ST8SIA3: variants seen among roughly 807,000 people sequenced by gnomAD.
ST8SIA3 encodes alpha-N-acetylneuraminate alpha-2,8-sialyltransferase ST8SIA3.
Under a neutral mutation model 34.5 loss-of-function variants are expected in ST8SIA3, and 17 were observed. The ratio of observed to expected loss-of-function variants is 0.49; its 90% CI spans 0.34 to 0.74. The LOEUF (loss-of-function observed/expected upper bound fraction) is 0.74. Among genes scored for constraint, ST8SIA3 ranks in the 30% least tolerant of loss-of-function variants. The pLI, the probability that ST8SIA3 is intolerant of heterozygous loss-of-function variation, is 0.01. For missense variants in ST8SIA3, 354 were observed against 467.8 expected, an observed-to-expected ratio of 0.76 and a Z score of 2.24; for synonymous variants, 172 against 176.1, an observed-to-expected ratio of 0.98 and a Z score of 0.19.
At chr18:57,353,446 T>TTTAATGGCGCA (rs2049777698) in intron 1 of ST8SIA3, among the ~76,000 whole-genome samples, 1 of 151,904 alleles carries the variant, frequency 6.6e-6, no homozygotes, top group Non-Finnish European at 1.5e-5. Context: ...GGGGCGGTGC[T>TTTAATGGCGCA]GGCGGTTTAA....
At position 57,360,268 on chromosome 18, in the gene ST8SIA3, C is replaced by A. The variant is rs377386088; in HGVS notation, c.1134C>A (p.His378Gln). 6.2e-7 allele frequency: 1 copy of A among 1,613,598 alleles called. No individual in the cohort carries two copies. The highest frequency in any genetic ancestry group is 8.5e-7 in the Non-Finnish European group (1 of 1,179,648). Residue 378 changes from histidine to glutamine, a missense_variant, in exon 4 of 4, where the codon CAC becomes CAA. His to Gln is a conservative substitution (Grantham distance 24). Coordinates refer to ENST00000324000, the MANE Select transcript of ST8SIA3 (RefSeq NM_015879.3). Reference sequence around the variant, plus strand: ...GGCTCACCAAGCTGACTCTGTCACACTGTGCCTAAGAACTCCAAACGGAAA... The same window carrying A: ...GGCTCACCAAGCTGACTCTGTCACAATGTGCCTAAGAACTCCAAACGGAAA... ...GEGLTKLTLS[H>Q]CA
intron 2 of ST8SIA3, among the ~76,000 whole-genome samples, chr18:57,355,499 A>G (rs2049793741): frequency 6.6e-6 from 1 of 152,220 alleles, no homozygotes; most frequent in African/African-American, 2.4e-5. Flanking sequence ...TACTGTTCAG[A>G]TGAAAAGTCA....
rs1407859798 is a variant in ST8SIA3 at position 57,352,582 on chromosome 18, C to T, written c.-265C>T. The T allele has an allele frequency of 1.3e-5, 6 of 476,378 alleles. No individual in the cohort carries two copies. The highest frequency in any genetic ancestry group is 2.3e-5 in the Non-Finnish European group (6 of 258,878). 29.5% of individuals were successfully genotyped at this position (476,378 alleles called of 1,614,324 possible). A position where few individuals can be genotyped will look rare whatever the true frequency, so the allele number is the denominator to read the frequency against. On this transcript the variant is annotated 5_prime_UTR_variant, in exon 1 of 4. Transcript: ENST00000324000. ...CCTTCGCCACGCCGCCGCGCAGCCCCTCCATCTTCCTGCTCGGCACCGGGC... is the reference window on the plus strand; with the variant it reads ...CCTTCGCCACGCCGCCGCGCAGCCCTTCCATCTTCCTGCTCGGCACCGGGC...
rs2049855367 is a variant in ST8SIA3, at chr18:57,365,429, CA to C, written c.*5155del. ...AATTTAGTCAGAATGGATGCAAGCCCAAAGACAAGGTGGAGAGCAAGCTTTA... is the reference window on the plus strand; with the variant it reads ...AATTTAGTCAGAATGGATGCAAGCCCAAGACAAGGTGGAGAGCAAGCTTTA... On this transcript the variant is annotated 3_prime_UTR_variant, in exon 4 of 4. Transcript: ENST00000324000. The C allele has an allele frequency of 6.6e-6, 1 of 152,158 alleles. No homozygotes were observed. The allele number at this position is 152,158 out of a possible 1,614,324, so 9.4% of individuals were successfully genotyped here. A position where few individuals can be genotyped will look rare whatever the true frequency, so the allele number is the denominator to read the frequency against.
At position 57,352,583 on chromosome 18, in the gene ST8SIA3, T is replaced by C; in HGVS notation, c.-264T>C. On this transcript the variant is annotated 5_prime_UTR_variant, in exon 1 of 4. Coordinates refer to ENST00000324000, the MANE Select transcript of ST8SIA3 (RefSeq NM_015879.3). ...CTTCGCCACGCCGCCGCGCAGCCCC[T>C]CCATCTTCCTGCTCGGCACCGGGCC... 2.1e-6 allele frequency: 1 copy of C among 472,936 alleles called. No homozygotes were observed. The highest frequency in any genetic ancestry group is 3.9e-6 in the Non-Finnish European group (1 of 256,916). 29.3% of individuals were successfully genotyped at this position (472,936 alleles called of 1,614,324 possible).
Position 57,357,132 on chromosome 18 carries a change from C to T in ST8SIA3, c.522C>T (p.Ser174=), listed in dbSNP as rs1158078233. 2 of 1,613,976 alleles carry T rather than the reference C, an allele frequency of 1.2e-6. No individual in the cohort carries two copies. Among genetic ancestry groups the T allele is most frequent in the African/African-American group, 1.3e-5 (1 of 75,010 alleles). Residue 174 remains serine, a synonymous_variant, in exon 3 of 4, where the codon AGC becomes AGT. Transcript: ENST00000324000. Reference sequence around the variant, plus strand: ...GAAATAGTGGGATCCTGACAGGGAGCCAGTGTGGACAAGAAATAGATAAAT... The same window carrying T: ...GAAATAGTGGGATCCTGACAGGGAGTCAGTGTGGACAAGAAATAGATAAAT... ...VVGNSGILTG[S]QCGQEIDKSD... is the part of the protein sequence containing the mutation.
chr18:57,358,402 C>T (rs187814440), intron 3 of ST8SIA3, among the ~76,000 whole-genome samples: 136 of 152,240 alleles, frequency 8.9e-4, no homozygotes, highest in Non-Finnish European at 8.7e-4. Context: ...TTCTGGAGAC[C>T]TGGTAAACAG....
rs1402378660 is a variant in ST8SIA3 at position 57,365,989 on chromosome 18, T to C, written c.*5712T>C. On this transcript the variant is annotated 3_prime_UTR_variant, in exon 4 of 4. Coordinates refer to ENST00000324000, the MANE Select transcript of ST8SIA3 (RefSeq NM_015879.3). Reference sequence around the variant, plus strand: ...CTGGAAAACAGTGGAACCCAGATTTTTAGCACCTACCAATTTCTATGGTGT... The same window carrying C: ...CTGGAAAACAGTGGAACCCAGATTTCTAGCACCTACCAATTTCTATGGTGT... 1 of 152,210 alleles carries C rather than the reference T, an allele frequency of 6.6e-6. No homozygotes were observed. Among genetic ancestry groups the C allele is most frequent in the African/African-American group, 2.4e-5 (1 of 41,454 alleles). The allele number at this position is 152,210 out of a possible 1,614,324, so 9.4% of individuals were successfully genotyped here.
In ST8SIA3 at chr18:57,368,474, G is replaced by A. The variant is rs1380941502; in HGVS notation, c.*8197G>A. ...CCGTGATTCCCTGCCCGCTCACCCC[G>A]TCACTCAACACTTGATGCATTTGTT... is the stretch of plus-strand genomic sequence containing the variant. On this transcript the variant is annotated 3_prime_UTR_variant, in exon 4 of 4. Transcript: ENST00000324000. The A allele has an allele frequency of 6.6e-6, 1 of 152,124 alleles. No individual in the cohort carries two copies. Among genetic ancestry groups the A allele is most frequent in the Non-Finnish European group, 1.5e-5 (1 of 68,008 alleles). The allele number at this position is 152,124 out of a possible 1,614,324, so 9.4% of individuals were successfully genotyped here. A position where few individuals can be genotyped will look rare whatever the true frequency, so the allele number is the denominator to read the frequency against.
At chr18:57,355,785 G>A (rs191050492) in intron 2 of ST8SIA3, among the ~76,000 whole-genome samples, 6 of 152,082 alleles carry the variant, frequency 3.9e-5, no homozygotes, top group East Asian at 3.9e-4. Flanking sequence ...TCAAAACTTC[G>A]CTCATTTTAA....
rs909947249 is a variant in ST8SIA3, at chr18:57,367,019, AT to A, written c.*6747del. Reference sequence around the variant, plus strand: ...AACAAGCTTTGTTTGCAAATTGCAAATTTTTCTGGTAGAAGTCATTCTTAGG... The same window carrying A: ...AACAAGCTTTGTTTGCAAATTGCAAATTTTCTGGTAGAAGTCATTCTTAGG... On this transcript the variant is annotated 3_prime_UTR_variant, in exon 4 of 4. Transcript: ENST00000324000. 3.3e-5 allele frequency: 5 copies of A among 152,094 alleles called. No individual in the cohort carries two copies. The highest frequency in any genetic ancestry group is 1.2e-4 in the African/African-American group (5 of 41,410). 9.4% of individuals were successfully genotyped at this position (152,094 alleles called of 1,614,324 possible).
At position 57,366,813 on chromosome 18, in the gene ST8SIA3, T is replaced by G. The variant is rs1261984952; in HGVS notation, c.*6536T>G. On this transcript the variant is annotated 3_prime_UTR_variant, in exon 4 of 4. Transcript: ENST00000324000. The stretch of plus-strand genomic sequence containing the variant: ...AACTTCATTGCTGACTGGGCAAACT[T>G]TGTAGGATAAGGTGTCATGTGATGT... The G allele has an allele frequency of 6.6e-6, 1 of 152,186 alleles. No individual in the cohort carries two copies. Among genetic ancestry groups the G allele is most frequent in the African/African-American group, 2.4e-5 (1 of 41,442 alleles). The allele number at this position is 152,186 out of a possible 1,614,324, so 9.4% of individuals were successfully genotyped here. A position where few individuals can be genotyped will look rare whatever the true frequency, so the allele number is the denominator to read the frequency against.
chr18:57,352,699 C>CCCG lies in ST8SIA3; in HGVS notation c.-148_-147insCCG. ...CCGGTGGCCTCCCCCCACCCCCGCCCGGGTCCCCCTCCTCCGCCACACGCG... is the reference window on the plus strand; with the variant it reads ...CCGGTGGCCTCCCCCCACCCCCGCCCCCGGGGTCCCCCTCCTCCGCCACACGCG... On this transcript the variant is annotated 5_prime_UTR_variant, in exon 1 of 4. Transcript: ENST00000324000. 6.9e-6 allele frequency: 2 copies of CCCG among 291,286 alleles called. No homozygotes were observed. Among genetic ancestry groups the CCCG allele is most frequent in the South Asian group, 2.8e-5 (1 of 36,172 alleles). 18.0% of individuals were successfully genotyped at this position (291,286 alleles called of 1,614,324 possible).
Position 57,357,252 on chromosome 18 carries a change from C to T in ST8SIA3, c.642C>T (p.Ile214=). The part of the protein sequence containing the change: ...KTNLTTFNPS[I]LEKYYNNLLT... The stretch of plus-strand genomic sequence containing the variant: ...ATCTTACCACCTTCAACCCCAGCAT[C>T]CTGGAAAAATATTACAACAATCTCT... Residue 214 remains isoleucine (I), a synonymous_variant, in exon 3 of 4, where the codon ATC becomes ATT. Transcript: ENST00000324000. The T allele has an allele frequency of 1.9e-6, 3 of 1,614,172 alleles. No homozygotes were observed. Among genetic ancestry groups the T allele is most frequent in the East Asian group, 4.5e-5 (2 of 44,882 alleles).
Position 57,355,716 on chromosome 18 carries a change from A to T in ST8SIA3, c.302+1192A>T, listed in dbSNP as rs369804715. 4.4e-4 allele frequency among the ~76,000 whole-genome samples: 67 copies of T among 152,318 alleles called. 3 individuals carry two copies. In the South Asian group the frequency reaches 0.013, roughly 30 times the overall value. On this transcript the variant is annotated intron_variant, in intron 2 of 3. Coordinates refer to ENST00000324000, the MANE Select transcript of ST8SIA3 (RefSeq NM_015879.3). ...AAACATGTTTCTAACTCAATAAAAAATATTCTTCCCACACTAGGCCATGTG... is the reference window on the plus strand; with the variant it reads ...AAACATGTTTCTAACTCAATAAAAATTATTCTTCCCACACTAGGCCATGTG...
At position 57,364,396 on chromosome 18, in the gene ST8SIA3, T is replaced by C. The variant is rs572754254; in HGVS notation, c.*4119T>C. The C allele has an allele frequency of 3.5e-4, 53 of 152,352 alleles. No homozygotes were observed. The highest frequency in any genetic ancestry group is 1.1e-3 in the African/African-American group (47 of 41,580). 9.4% of individuals were successfully genotyped at this position (152,352 alleles called of 1,614,324 possible). ...AATCTCAACAGCAGACTTTGAAATA[T>C]TGTGTTTGGTTCAATATGCTAAGAA... On this transcript the variant is annotated 3_prime_UTR_variant, in exon 4 of 4. Transcript: ENST00000324000.
rs1450393666 is a variant in ST8SIA3, at chr18:57,366,206, AC to A, written c.*5930del. The A allele has an allele frequency of 6.6e-6, 1 of 152,068 alleles. No homozygotes were observed. Among genetic ancestry groups the A allele is most frequent in the African/African-American group, 2.4e-5 (1 of 41,376 alleles). 9.4% of individuals were successfully genotyped at this position (152,068 alleles called of 1,614,324 possible). A position where few individuals can be genotyped will look rare whatever the true frequency, so the allele number is the denominator to read the frequency against. ...AGAGGCTAGCAGAGGCTTTGGAGGG[AC>A]TTTTAAATGTCCCCTCCACCAAGGG... On this transcript the variant is annotated 3_prime_UTR_variant, in exon 4 of 4. Transcript: ENST00000324000.
At chr18:57,356,388 C>T (rs929729853) in intron 2 of ST8SIA3, among the ~76,000 whole-genome samples, 2 of 152,118 alleles carry the variant, frequency 1.3e-5, no homozygotes, top group Non-Finnish European at 2.9e-5. Context: ...ACTGCTATTA[C>T]CATCTTCATA....
rs1171069163 is a variant in ST8SIA3 at position 57,368,440 on chromosome 18, T to C, written c.*8163T>C. 6.6e-6 allele frequency: 1 copy of C among 152,200 alleles called. No homozygotes were observed. The highest frequency in any genetic ancestry group is 2.4e-5 in the African/African-American group (1 of 41,464). The allele number at this position is 152,200 out of a possible 1,614,324, so 9.4% of individuals were successfully genotyped here. A position where few individuals can be genotyped will look rare whatever the true frequency, so the allele number is the denominator to read the frequency against. On this transcript the variant is annotated 3_prime_UTR_variant, in exon 4 of 4. Coordinates refer to ENST00000324000, the MANE Select transcript of ST8SIA3 (RefSeq NM_015879.3). ...TCAGGGAAAATAAATGCTTCTTATA[T>C]TGTTAATACCGTGATTCCCTGCCCG... is the stretch of plus-strand genomic sequence containing the variant.
Sources: gnomAD v4.1 joint callset for allele counts (sites outside exome capture counted in the v4.1 genomes callset) on GRCh38, gnomAD v4.1.1 for gene constraint, MANE v1.5 for transcripts, NCBI Gene and HGNC (gene_info 2026-07-23, HGNC 2026-07-21) for gene names.